Variants in SHISA9 observed in about 807,000 individuals in gnomAD.
The protein encoded by SHISA9 is protein shisa-9.
SHISA9 carries 13 observed loss-of-function variants against 38.0 expected under a neutral mutation model. The observed-to-expected ratio is 0.34, with a 90% confidence interval of 0.22 to 0.54. The LOEUF is 0.54. Ranked by LOEUF, SHISA9 falls within the 20% of genes least tolerant of loss-of-function variation. The probability of loss-of-function intolerance (pLI) is 0.91; values close to 1 mark genes in which losing one functional copy is unlikely to be tolerated. For missense variants in SHISA9, 538 were observed against 575.8 expected, an observed-to-expected ratio of 0.93 and a Z score of 0.67; for synonymous variants, 275 against 242.0, an observed-to-expected ratio of 1.14 and a Z score of -1.27.
the SHISA9 span, among the ~76,000 whole-genome samples, chr16:13,382,100 A>T: frequency 6.6e-6 from 1 of 152,218 alleles, no homozygotes; most frequent in African/African-American, 2.4e-5. Context: ...AAATTTTGGA[A>T]GTGTATTGAT....
chr16:13,183,998 G>A (rs1319444207), intron 2 of SHISA9, among the ~76,000 whole-genome samples: 2 of 152,056 alleles, frequency 1.3e-5, no homozygotes, highest in Non-Finnish European at 2.9e-5. Context: ...ACACTCTGGG[G>A]GAGGGACAGG....
the SHISA9 span, among the ~76,000 whole-genome samples, chr16:13,456,769 G>A: frequency 6.6e-6 from 1 of 152,322 alleles, no homozygotes; most frequent in Admixed American, 6.5e-5. Context: ...TGCCATTCAG[G>A]CAATGTGTGA....
chr16:13,007,804 T>C (rs1167234193), intron 2 of SHISA9, among the ~76,000 whole-genome samples: 1 of 151,780 alleles, frequency 6.6e-6, no homozygotes, highest in Non-Finnish European at 1.5e-5. Context: ...GGCCTCTTCC[T>C]TCCTCACACC....
At chr16:12,937,786 C>A (rs527620030) in intron 2 of SHISA9, among the ~76,000 whole-genome samples, 1 of 152,298 alleles carries the variant, frequency 6.6e-6, no homozygotes, top group South Asian at 2.1e-4. Flanking sequence ...AAATACAGAA[C>A]CATTGGGGGT....
At chr16:13,369,456 G>A in the SHISA9 span, among the ~76,000 whole-genome samples, 1 of 152,096 alleles carries the variant, frequency 6.6e-6, no homozygotes, top group African/African-American at 2.4e-5. Flanking sequence ...TGCTAAATTG[G>A]TGGATTGAGC....
intron 2 of SHISA9, among the ~76,000 whole-genome samples, chr16:13,100,701 A>G (rs745587668): frequency 2.6e-5 from 4 of 152,014 alleles, no homozygotes; most frequent in Non-Finnish European, 5.9e-5. Context: ...TGCTTCTACG[A>G]GTTTGGCTAT....
the SHISA9 span, among the ~76,000 whole-genome samples, chr16:13,353,702 G>C: frequency 3.3e-5 from 5 of 152,286 alleles, no homozygotes; most frequent in East Asian, 7.7e-4. Flanking sequence ...ATACAGGCCT[G>C]AATTCTGAGA....
At chr16:13,219,988 G>T (rs551832779) in intron 4 of SHISA9, among the ~76,000 whole-genome samples, 8 of 152,096 alleles carry the variant, frequency 5.3e-5, no homozygotes, top group African/African-American at 1.9e-4. Flanking sequence ...GGAAAGAGAT[G>T]CATCTCACCT....
intron 2 of SHISA9, among the ~76,000 whole-genome samples, chr16:12,952,944 T>C (rs2071778742): frequency 6.6e-6 from 1 of 152,196 alleles, no homozygotes; most frequent in African/African-American, 2.4e-5. Flanking sequence ...GAGTGTGTTT[T>C]AGGCACTGTG....
chr16:13,099,615 A>T (rs2073859551), intron 2 of SHISA9, among the ~76,000 whole-genome samples: 1 of 152,100 alleles, frequency 6.6e-6, no homozygotes, highest in South Asian at 2.1e-4. Flanking sequence ...CTGAGGCAGG[A>T]GTGTGCTCTG....
intron 2 of SHISA9, among the ~76,000 whole-genome samples, chr16:13,053,003 G>T (rs1402795861): frequency 6.1e-5 from 7 of 115,194 alleles, no homozygotes; most frequent in African/African-American, 2.1e-4. Context: ...TTGCTCTGTT[G>T]CTCAGGCTGG....
At chr16:13,480,408 G>A in the SHISA9 span, among the ~76,000 whole-genome samples, 3 of 152,230 alleles carry the variant, frequency 2.0e-5, no homozygotes, top group Admixed American at 2.0e-4. Context: ...CTTGAATACA[G>A]GAAATATTTG....
chr16:13,024,537 C>T (rs1166639572), intron 2 of SHISA9, among the ~76,000 whole-genome samples: 1 of 152,206 alleles, frequency 6.6e-6, no homozygotes, highest in African/African-American at 2.4e-5. Context: ...ATTCCTTACT[C>T]CCACCAGTGC....
chr16:13,007,962 T>C (rs2072619764), intron 2 of SHISA9, among the ~76,000 whole-genome samples: 1 of 152,172 alleles, frequency 6.6e-6, no homozygotes, highest in African/African-American at 2.4e-5. Flanking sequence ...TGCTCTACCT[T>C]ATTTCTTCTA....
chr16:13,519,627 T>G, the SHISA9 span, among the ~76,000 whole-genome samples: 1 of 152,142 alleles, frequency 6.6e-6, no homozygotes, highest in Non-Finnish European at 1.5e-5. Flanking sequence ...ACTGGGTAAT[T>G]TATAAAGGAA....
chr16:13,434,419 G>GTTTTTTTTTATTTTT, the SHISA9 span, among the ~76,000 whole-genome samples: 1 of 64,566 alleles, frequency 1.5e-5, no homozygotes, highest in Non-Finnish European at 3.2e-5. Context: ...GACAAGCTAT[G>GTTTTTTTTTATTTTT]TTTTTTTTTT....
chr16:13,164,230 T>A (rs949402008), intron 2 of SHISA9, among the ~76,000 whole-genome samples: 1 of 152,064 alleles, frequency 6.6e-6, no homozygotes, highest in Admixed American at 6.6e-5. Context: ...TTTTTATGCA[T>A]CTATTGAAAT....
chr16:13,137,826 G>T (rs1398319758), intron 2 of SHISA9, among the ~76,000 whole-genome samples: 2 of 151,974 alleles, frequency 1.3e-5, no homozygotes, highest in Non-Finnish European at 2.9e-5. Flanking sequence ...ACTATTCCTG[G>T]GCCCCAGTTC....
chr16:13,208,475 C>A (rs1226471767), intron 3 of SHISA9, among the ~76,000 whole-genome samples: 1 of 127,190 alleles, frequency 7.9e-6, no homozygotes, highest in South Asian at 2.5e-4. Flanking sequence ...GAGTTTGGCT[C>A]CTATCACCCA....
Sources: gnomAD v4.1 joint callset for allele counts (sites outside exome capture counted in the v4.1 genomes callset) on GRCh38, gnomAD v4.1.1 for gene constraint, MANE v1.5 for transcripts, NCBI Gene and HGNC (gene_info 2026-07-23, HGNC 2026-07-21) for gene names.